DCC: variants seen among roughly 807,000 people sequenced by gnomAD.
The protein encoded by DCC is DCC netrin 1 receptor.
A neutral mutation model predicts 172.5 loss-of-function variants in DCC; 58 were observed. The observed-to-expected ratio is 0.34, with a 90% confidence interval of 0.27 to 0.42. DCC has a LOEUF of 0.42. Ranked by LOEUF, DCC falls within the 10% of genes least tolerant of loss-of-function variation. The pLI is 1.00. For missense variants in DCC, 1,740 were observed against 1,791.0 expected, an observed-to-expected ratio of 0.97 and a Z score of 0.51; for synonymous variants, 709 against 644.5, an observed-to-expected ratio of 1.10 and a Z score of -1.52.
Position 53,532,155 on chromosome 18 carries a change from C to T in DCC, c.*1502C>T, listed in dbSNP as rs1242324224. 6.6e-6 allele frequency: 1 copy of T among 152,108 alleles called. No individual in the cohort carries two copies. Among genetic ancestry groups the T allele is most frequent in the Non-Finnish European group, 1.5e-5 (1 of 68,018 alleles). The allele number at this position is 152,108 out of a possible 1,614,324, so 9.4% of individuals were successfully genotyped here. A position where few individuals can be genotyped will look rare whatever the true frequency, so the allele number is the denominator to read the frequency against. ...AGCTGAATTATTCCTTTCAGCTCTG[C>T]CTTTGATTTCAAGCTTGAGTAGGTC... On this transcript the variant is annotated 3_prime_UTR_variant, in exon 29 of 29. Transcript: ENST00000442544.
intron 7 of DCC, among the ~76,000 whole-genome samples, chr18:53,077,205 G>A (rs1051838878): frequency 6.7e-6 from 1 of 148,936 alleles, no homozygotes; most frequent in Non-Finnish European, 1.5e-5. Context: ...TTGTTCACAT[G>A]TATATATATA....
chr18:53,270,558 C>A (rs1040506598), intron 12 of DCC, among the ~76,000 whole-genome samples: 1 of 152,052 alleles, frequency 6.6e-6, no homozygotes, highest in East Asian at 1.9e-4. Flanking sequence ...TCCTGGGATT[C>A]ATATACTGGG....
chr18:52,623,166 A>G (rs1414167027), intron 1 of DCC, among the ~76,000 whole-genome samples: 2 of 152,210 alleles, frequency 1.3e-5, no homozygotes, highest in African/African-American at 4.8e-5. Flanking sequence ...TTGCAACCAA[A>G]AAAGAAAATA....
intron 5 of DCC, among the ~76,000 whole-genome samples, chr18:53,057,235 T>C (rs1326615943): frequency 6.6e-6 from 1 of 151,966 alleles, no homozygotes; most frequent in Non-Finnish European, 1.5e-5. Context: ...AGAAATTTCA[T>C]TGTACAGAAT....
intron 1 of DCC, among the ~76,000 whole-genome samples, chr18:52,462,746 T>C (rs1988670371): frequency 6.6e-6 from 1 of 152,200 alleles, no homozygotes; most frequent in South Asian, 2.1e-4. Context: ...GTAAGCTCCA[T>C]GACACAGGGA....
intron 1 of DCC, among the ~76,000 whole-genome samples, chr18:52,732,943 A>T (rs2036667626): frequency 6.6e-6 from 1 of 152,128 alleles, no homozygotes; most frequent in Non-Finnish European, 1.5e-5. Flanking sequence ...CATTAGATGT[A>T]AATTTTTGAG....
At chr18:52,783,091 A>C (rs78434669) in intron 2 of DCC, among the ~76,000 whole-genome samples, 8,031 of 152,016 alleles carry the variant, frequency 0.053, 284 homozygotes, top group South Asian at 0.16. Context: ...AACAGACCTA[A>C]ACTACCAATA....
At chr18:53,336,519 G>A (rs1203096625) in intron 14 of DCC, among the ~76,000 whole-genome samples, 1 of 152,108 alleles carries the variant, frequency 6.6e-6, no homozygotes, top group Admixed American at 6.6e-5. Context: ...TACCTTGAAG[G>A]AACTGTCCTT....
chr18:52,423,171 G>C (rs555409817), intron 1 of DCC, among the ~76,000 whole-genome samples: 7 of 152,134 alleles, frequency 4.6e-5, no homozygotes, highest in Non-Finnish European at 1.0e-4. Context: ...GATAAATGTT[G>C]CTCTTCTGCC....
intron 1 of DCC, among the ~76,000 whole-genome samples, chr18:52,521,896 A>G (rs2031830520): frequency 3.3e-5 from 5 of 152,158 alleles, no homozygotes; most frequent in Admixed American, 3.3e-4. Context: ...TTAAGATGGC[A>G]CTCAATAAAT....
At chr18:53,070,772 G>A (rs1165221025) in intron 7 of DCC, among the ~76,000 whole-genome samples, 2 of 152,182 alleles carry the variant, frequency 1.3e-5, no homozygotes, top group African/African-American at 2.4e-5. Flanking sequence ...AAATCCGAAA[G>A]CGTGACAGGA....
rs185478908 is a variant in DCC, at chr18:52,620,988, A to C, written c.92-131066A>C. On this transcript the variant is annotated intron_variant, in intron 1 of 28. Coordinates refer to ENST00000442544, the MANE Select transcript of DCC (RefSeq NM_005215.4). The stretch of plus-strand genomic sequence containing the variant: ...TCTGTCTCCCAACTCTTCATATTTG[A>C]GTGCTGGTCAGGAGAAGCCTGGGTG... Among the ~76,000 whole-genome samples, 29 of 152,236 alleles carry C rather than the reference A, an allele frequency of 1.9e-4. No homozygotes were observed. In the East Asian group the frequency reaches 5.4e-3, roughly 28 times the overall value.
chr18:52,774,636 GGCTT>G, intron 2 of DCC, among the ~76,000 whole-genome samples: 1 of 152,094 alleles, frequency 6.6e-6, no homozygotes, highest in African/African-American at 2.4e-5. Context: ...ATGGGGGTAT[GGCTT>G]GCTTCTTCAG....
intron 2 of DCC, among the ~76,000 whole-genome samples, chr18:52,867,895 AT>A (rs1158057033): frequency 6.6e-6 from 1 of 152,034 alleles, no homozygotes; most frequent in Non-Finnish European, 1.5e-5. Flanking sequence ...TTTAGGTCAG[AT>A]TTTTGCTCTT....
intron 5 of DCC, among the ~76,000 whole-genome samples, chr18:52,977,512 T>C (rs1304739814): frequency 6.6e-6 from 1 of 152,164 alleles, no homozygotes; most frequent in Non-Finnish European, 1.5e-5. Context: ...TGTAAAATTA[T>C]GTTCTAGAAT....
intron 1 of DCC, among the ~76,000 whole-genome samples, chr18:52,602,400 A>AGTGTGTGTGTGTGTGT (rs71175506): frequency 0.025 from 3,682 of 148,688 alleles, 59 homozygotes; most frequent in Non-Finnish European, 0.035. Flanking sequence ...TTAGTATCAA[A>AGTGTGTGTGTGTGTGT]GTGTGTGTGT....
At chr18:52,585,321 C>T (rs994934499) in intron 1 of DCC, among the ~76,000 whole-genome samples, 3 of 152,160 alleles carry the variant, frequency 2.0e-5, no homozygotes, top group African/African-American at 4.8e-5. Flanking sequence ...AGACAGAAAA[C>T]ATTTTTTCCT....
rs184911070 is a variant in DCC at position 52,540,785 on chromosome 18, T to A, written c.91+199907T>A. On this transcript the variant is annotated intron_variant, in intron 1 of 28. Coordinates refer to ENST00000442544, the MANE Select transcript of DCC (RefSeq NM_005215.4). Reference sequence around the variant, plus strand: ...CCACGCCCAGCTAATTTTTTGTATTTTTAGTAGAGACGGGGTTTCACTGTG... The same window carrying A: ...CCACGCCCAGCTAATTTTTTGTATTATTAGTAGAGACGGGGTTTCACTGTG... Among the ~76,000 whole-genome samples the A allele has an allele frequency of 3.6e-3, 541 of 151,924 alleles. 5 individuals are homozygous for A. Among genetic ancestry groups the A allele is most frequent in the African/African-American group, 0.013 (521 of 41,434 alleles).
chr18:52,692,905 G>T (rs2035951235), intron 1 of DCC, among the ~76,000 whole-genome samples: 1 of 152,086 alleles, frequency 6.6e-6, no homozygotes, highest in Admixed American at 6.6e-5. Context: ...TAATAAGCAT[G>T]GCTGAAGAAA....
Sources: gnomAD v4.1 joint callset for allele counts (sites outside exome capture counted in the v4.1 genomes callset) on GRCh38, gnomAD v4.1.1 for gene constraint, MANE v1.5 for transcripts, NCBI Gene and HGNC (gene_info 2026-07-23, HGNC 2026-07-21) for gene names.